LPGAT1: variants seen among roughly 807,000 people sequenced by gnomAD.
LPGAT1 encodes the protein acyl-CoA:lysophosphatidylglycerol acyltransferase 1.
In LPGAT1, 11 loss-of-function variants were observed where a neutral mutation model predicts 47.5. That is an observed-to-expected ratio of 0.23 (90% CI 0.15 to 0.38). The LOEUF (loss-of-function observed/expected upper bound fraction) is 0.38. LPGAT1 is among the 10% of genes least tolerant of loss of function. LPGAT1 has a pLI of 1.00. For synonymous variants in LPGAT1, 138 were observed against 144.2 expected (o/e 0.96, Z 0.31); for missense variants, 293 against 439.0 (o/e 0.67, Z 2.97).
chr1:211,788,233 T>A (rs11119812), intron 3 of LPGAT1, among the ~76,000 whole-genome samples: 1 of 152,168 alleles, frequency 6.6e-6, no homozygotes, highest in African/African-American at 2.4e-5. Flanking sequence ...TATTCTATTA[T>A]GAAGAATATT....
At chr1:211,793,829 C>T (rs150073267) in intron 2 of LPGAT1, among the ~76,000 whole-genome samples, 9 of 152,210 alleles carry the variant, frequency 5.9e-5, no homozygotes, top group African/African-American at 2.2e-4. Context: ...GAATGTTTAT[C>T]ACAACTTAAA....
chr1:211,757,789 T>G (rs1657527455), intron 6 of LPGAT1, among the ~76,000 whole-genome samples: 2 of 152,212 alleles, frequency 1.3e-5, no homozygotes, highest in Non-Finnish European at 2.9e-5. Context: ...TTTCCATCTC[T>G]TCAAAGGGTA....
At position 211,789,543 on chromosome 1, in the gene LPGAT1, T is replaced by C. The variant is rs574223468; in HGVS notation, c.358-1816A>G. Among the ~76,000 whole-genome samples the C allele has an allele frequency of 2.6e-5, 4 of 152,294 alleles. No homozygotes were observed. The South Asian group carries it at 6.2e-4, about 24-fold the overall frequency. The stretch of plus-strand genomic sequence containing the variant: ...ACAGAAATAAAAATTCTTAGTTTTA[T>C]CATAAATTGTCATAAAAGGCCAAGA... On this transcript the variant is annotated intron_variant, in intron 3 of 7. Coordinates refer to ENST00000366997, the MANE Select transcript of LPGAT1 (RefSeq NM_014873.3).
chr1:211,768,954 G>T (rs958736085), intron 6 of LPGAT1, among the ~76,000 whole-genome samples: 39 of 152,156 alleles, frequency 2.6e-4, no homozygotes, highest in Non-Finnish European at 4.4e-4. Context: ...GTAACAGCAA[G>T]AAAGCCAGTA....
intron 6 of LPGAT1, among the ~76,000 whole-genome samples, chr1:211,758,539 T>C (rs1159994001): frequency 2.6e-5 from 4 of 151,930 alleles, no homozygotes; most frequent in African/African-American, 9.7e-5. Context: ...CCATCTCTAC[T>C]AAAAATACAA....
chr1:211,809,926 C>A (rs1339942506), intron 2 of LPGAT1, among the ~76,000 whole-genome samples: 2 of 151,924 alleles, frequency 1.3e-5, no homozygotes, highest in African/African-American at 4.8e-5. Flanking sequence ...AGGATTACAC[C>A]AAATTGCCAG....
Position 211,756,022 on chromosome 1 carries a change from G to A in LPGAT1, c.855-4955C>T, listed in dbSNP as rs143281411. On this transcript the variant is annotated intron_variant, in intron 6 of 7. Coordinates refer to ENST00000366997, the MANE Select transcript of LPGAT1 (RefSeq NM_014873.3). ...GGAGGCCGAGGCAGGTGGATCATGA[G>A]GTCAGGGGTTTGAGACAAGCCTGGC... 8.3e-4 allele frequency among the ~76,000 whole-genome samples: 127 copies of A among 152,242 alleles called. 1 individual carries two copies. The highest frequency in any genetic ancestry group is 2.9e-3 in the African/African-American group (122 of 41,554).
At chr1:211,812,471 A>G (rs1026254584) in intron 2 of LPGAT1, among the ~76,000 whole-genome samples, 9 of 152,212 alleles carry the variant, frequency 5.9e-5, no homozygotes, top group African/African-American at 1.7e-4. Context: ...CCTAGAGTCC[A>G]TAGGATCCAT....
chr1:211,811,772 T>C (rs1571758394), intron 2 of LPGAT1, among the ~76,000 whole-genome samples: 1 of 150,660 alleles, frequency 6.6e-6, no homozygotes, highest in East Asian at 1.9e-4. Context: ...ATCCCGCCAC[T>C]GCACTCCAGC....
intron 2 of LPGAT1, among the ~76,000 whole-genome samples, chr1:211,808,441 A>G (rs1319991959): frequency 6.6e-6 from 1 of 152,202 alleles, no homozygotes; most frequent in Non-Finnish European, 1.5e-5. Flanking sequence ...CACTTCACCA[A>G]AGAGAACACA....
chr1:211,807,577 G>A (rs1659806572), intron 2 of LPGAT1, among the ~76,000 whole-genome samples: 1 of 152,104 alleles, frequency 6.6e-6, no homozygotes, highest in Non-Finnish European at 1.5e-5. Context: ...CAACAGAACA[G>A]AAAAGAGGAT....
intron 6 of LPGAT1, among the ~76,000 whole-genome samples, chr1:211,766,541 T>C (rs1220786289): frequency 6.6e-6 from 1 of 152,214 alleles, no homozygotes; most frequent in African/African-American, 2.4e-5. Flanking sequence ...AAGCCTATTC[T>C]ATAATAAAGT....
Position 211,751,744 on chromosome 1 carries a change from A to G in LPGAT1, c.855-677T>C, listed in dbSNP as rs575979538. ...AAATAGTTTTATTTTTTGTTTTCTAATTTAGTGGGGGATTTTTTGTCCCCT... is the reference window on the plus strand; with the variant it reads ...AAATAGTTTTATTTTTTGTTTTCTAGTTTAGTGGGGGATTTTTTGTCCCCT... On this transcript the variant is annotated intron_variant, in intron 6 of 7. Coordinates refer to ENST00000366997, the MANE Select transcript of LPGAT1 (RefSeq NM_014873.3). Among the ~76,000 whole-genome samples, 33 of 152,248 alleles carry G rather than the reference A, an allele frequency of 2.2e-4. 1 individual carries two copies. The highest frequency in any genetic ancestry group is 4.3e-4 in the Non-Finnish European group (29 of 67,992).
intron 2 of LPGAT1, among the ~76,000 whole-genome samples, chr1:211,809,440 A>G (rs1475733444): frequency 2.6e-5 from 4 of 152,164 alleles, no homozygotes; most frequent in Non-Finnish European, 5.9e-5. Flanking sequence ...ATTTTATAAC[A>G]TTGGGAAAAC....
intron 2 of LPGAT1, among the ~76,000 whole-genome samples, chr1:211,804,182 C>T (rs1241630688): frequency 6.6e-6 from 1 of 152,106 alleles, no homozygotes; most frequent in Non-Finnish European, 1.5e-5. Flanking sequence ...AAATGATCCT[C>T]CTGCCTCAGC....
intron 5 of LPGAT1, 150 bp from the exon 6 acceptor site, chr1:211,779,194 A>G (rs1658533703): frequency 3.8e-6 from 2 of 526,276 alleles, no homozygotes; most frequent in South Asian, 3.3e-5. Flanking sequence ...CTCCTGTTCT[A>G]TAACACTCTT....
intron 2 of LPGAT1, among the ~76,000 whole-genome samples, chr1:211,820,425 A>G (rs1487092578): frequency 1.3e-5 from 2 of 152,180 alleles, no homozygotes; most frequent in Admixed American, 1.3e-4. Flanking sequence ...TGATTTTAAG[A>G]AAATCAGTGA....
At chr1:211,787,508 AAG>A in intron 4 of LPGAT1, 122 bp downstream of exon 4, 5 of 424,600 alleles carry the variant, frequency 1.2e-5, no homozygotes, top group South Asian at 9.9e-5. Context: ...AAAAAAAAAA[AAG>A]CTCCCTAAGA....
intron 5 of LPGAT1, among the ~76,000 whole-genome samples, chr1:211,781,657 T>A (rs1392421221): frequency 6.6e-6 from 1 of 152,198 alleles, no homozygotes; most frequent in East Asian, 1.9e-4. Flanking sequence ...TAAAAACACA[T>A]TGTTTCTGAG....
Sources: gnomAD v4.1 joint callset for allele counts (sites outside exome capture counted in the v4.1 genomes callset) on GRCh38, gnomAD v4.1.1 for gene constraint, MANE v1.5 for transcripts, NCBI Gene and HGNC (gene_info 2026-07-23, HGNC 2026-07-21) for gene names.